Variants in PPP6R3 observed in about 807,000 individuals in gnomAD.
PPP6R3 encodes the protein protein phosphatase 6 regulatory subunit 3.
Under a neutral mutation model 110.7 loss-of-function variants are expected in PPP6R3, and 38 were observed. The observed-to-expected ratio is 0.34, with a 90% CI of 0.26 to 0.45. The LOEUF (loss-of-function observed/expected upper bound fraction) is 0.45. Among genes scored for constraint, PPP6R3 ranks in the 20% least tolerant of loss-of-function variants. The pLI is 1.00. For synonymous variants in PPP6R3, 369 were observed against 373.5 expected, an observed-to-expected ratio of 0.99 and a Z score of 0.14; for missense variants, 870 against 1,062.4, an observed-to-expected ratio of 0.82 and a Z score of 2.52.
intron 16 of PPP6R3, among the ~76,000 whole-genome samples, chr11:68,590,040 T>A (rs2153856554): frequency 6.6e-6 from 1 of 152,362 alleles, no homozygotes; most frequent in Non-Finnish European, 1.5e-5. Flanking sequence ...TTGCTTCATC[T>A]TCCTAGTTAG....
Position 68,551,138 on chromosome 11 carries a change from A to G in PPP6R3, c.570A>G (p.Lys190=). 6.2e-7 allele frequency: 1 copy of G among 1,610,756 alleles called. No homozygotes were observed. Among genetic ancestry groups the G allele is most frequent in the Non-Finnish European group, 8.5e-7 (1 of 1,177,372 alleles). ...QDVLNWLNEE[K]IIQRLVEIVH... ...TTTTACAGTGGTTAAATGAGGAGAA[A>G]ATTATCCAGAGGCTTGTGGAAATAG... Residue 190 remains lysine, a synonymous_variant, in exon 6 of 24, where the codon AAA becomes AAG. Coordinates refer to ENST00000393800, the MANE Select transcript of PPP6R3 (RefSeq NM_001164161.2).
intron 1 of PPP6R3, among the ~76,000 whole-genome samples, chr11:68,461,474 T>C (rs996313849): frequency 8.7e-6 from 1 of 114,852 alleles, no homozygotes; most frequent in African/African-American, 3.4e-5. Flanking sequence ...AATGCCTCCC[T>C]GGTGTATTTG....
intron 9 of PPP6R3, among the ~76,000 whole-genome samples, chr11:68,566,364 CTTTTTTTG>C (rs2099469859): frequency 6.6e-6 from 1 of 150,704 alleles, no homozygotes; most frequent in African/African-American, 2.4e-5. Context: ...TTCCTTCTTC[CTTTTTTTG>C]TTTTTTTGAG....
intron 3 of PPP6R3, among the ~76,000 whole-genome samples, chr11:68,539,760 C>A (rs929278161): frequency 2.0e-5 from 3 of 152,056 alleles, no homozygotes; most frequent in African/African-American, 7.2e-5. Context: ...CTAAAAAGTC[C>A]CCCAATAATT....
At chr11:68,563,104 GAA>G (rs58840169) in intron 8 of PPP6R3, among the ~76,000 whole-genome samples, 36 of 124,202 alleles carry the variant, frequency 2.9e-4, no homozygotes, top group Non-Finnish European at 4.8e-4. Flanking sequence ...CATCTCTACC[GAA>G]AAAAAAAAAA....
At chr11:68,556,386 T>G (rs1310690552) in intron 7 of PPP6R3, among the ~76,000 whole-genome samples, 1 of 152,192 alleles carries the variant, frequency 6.6e-6, no homozygotes, top group Non-Finnish European at 1.5e-5. Flanking sequence ...ATTTAGTGAC[T>G]GGAAATTTTT....
At chr11:68,601,781 C>T (rs2099632596) in intron 20 of PPP6R3, 82 bp from the exon 21 acceptor site, 1 of 1,160,396 alleles carries the variant, frequency 8.6e-7, no homozygotes. Flanking sequence ...CAAAAACTTA[C>T]TTGTAAAGGC....
intron 1 of PPP6R3, among the ~76,000 whole-genome samples, chr11:68,489,725 A>G (rs2098972024): frequency 6.6e-6 from 1 of 151,598 alleles, no homozygotes; most frequent in African/African-American, 2.4e-5. Flanking sequence ...TTTTTTTAAG[A>G]CATAATGGTA....
At chr11:68,503,298 G>T (rs2099058029) in intron 1 of PPP6R3, among the ~76,000 whole-genome samples, 1 of 152,180 alleles carries the variant, frequency 6.6e-6, no homozygotes, top group African/African-American at 2.4e-5. Flanking sequence ...AACAGAACTT[G>T]TCTTGAATCT....
intron 1 of PPP6R3, among the ~76,000 whole-genome samples, chr11:68,476,859 A>T (rs1260272838): frequency 6.6e-6 from 1 of 151,490 alleles, no homozygotes; most frequent in Non-Finnish European, 1.5e-5. Context: ...CCAGCTCTAC[A>T]TATATATATT....
chr11:68,601,356 C>A (rs2099631252), intron 20 of PPP6R3, among the ~76,000 whole-genome samples: 1 of 152,146 alleles, frequency 6.6e-6, no homozygotes, highest in South Asian at 2.1e-4. Flanking sequence ...GTAATGATCT[C>A]CCTCACCCCT....
intron 11 of PPP6R3, among the ~76,000 whole-genome samples, chr11:68,570,132 T>G (rs561138228): frequency 6.6e-6 from 1 of 152,362 alleles, no homozygotes; most frequent in African/African-American, 2.4e-5. Flanking sequence ...GGCCTCCTTA[T>G]TTGGTAAAAT....
Position 68,584,899 on chromosome 11 carries a change from C to T in PPP6R3, c.1632+1770C>T, listed in dbSNP as rs189333596. 2.0e-3 allele frequency among the ~76,000 whole-genome samples: 308 copies of T among 152,300 alleles called. 6 individuals are homozygous for T. Among genetic ancestry groups the T allele is most frequent in the Admixed American group, 0.018 (270 of 15,306 alleles). The stretch of plus-strand genomic sequence containing the variant: ...TCATGGATCATTTTGAAAATAAATA[C>T]ACTCCAAAGCACTTCTTAAAATTTT... On this transcript the variant is annotated intron_variant, in intron 15 of 23. Transcript: ENST00000393800.
intron 15 of PPP6R3, among the ~76,000 whole-genome samples, chr11:68,584,295 C>T (rs749603859): frequency 2.6e-5 from 4 of 152,122 alleles, no homozygotes; most frequent in Admixed American, 1.3e-4. Context: ...TGTGAGCCCT[C>T]GTGCCTGCAA....
At chr11:68,612,765 C>T (rs995759940) in intron 23 of PPP6R3, 7 of 394,786 alleles carry the variant, frequency 1.8e-5, no homozygotes, top group South Asian at 2.4e-5. Context: ...GTTTATACCC[C>T]ACTGACCTAG....
chr11:68,493,316 G>A (rs1421642155), intron 1 of PPP6R3, among the ~76,000 whole-genome samples: 1 of 151,994 alleles, frequency 6.6e-6, no homozygotes, highest in Non-Finnish European at 1.5e-5. Context: ...TACATTGGTG[G>A]TAGTTAACAT....
chr11:68,568,818 G>A (rs2099490044), intron 10 of PPP6R3, among the ~76,000 whole-genome samples: 1 of 150,698 alleles, frequency 6.6e-6, no homozygotes, highest in African/African-American at 2.4e-5. Context: ...CGCCCAGGCT[G>A]GAGTGCAGTG....
At chr11:68,544,499 T>C (rs1211113100) in intron 3 of PPP6R3, among the ~76,000 whole-genome samples, 3 of 152,234 alleles carry the variant, frequency 2.0e-5, no homozygotes, top group Admixed American at 2.0e-4. Flanking sequence ...GGCTGTAGCC[T>C]GATGGCTCGT....
rs577438273 is a variant in PPP6R3, at chr11:68,524,074, T to A, written c.-7+4423T>A. Among the ~76,000 whole-genome samples the A allele has an allele frequency of 3.9e-5, 6 of 152,320 alleles. No homozygotes were observed. In the South Asian group the frequency reaches 1.2e-3, roughly 32 times the overall value. The stretch of plus-strand genomic sequence containing the variant: ...TTTATAAAACAGCATGTTAATCATT[T>A]AGTACAACCTTCCTGTCCAGAACAG... On this transcript the variant is annotated intron_variant, in intron 2 of 23. Transcript: ENST00000393800.
Sources: gnomAD v4.1 joint callset for allele counts (sites outside exome capture counted in the v4.1 genomes callset) on GRCh38, gnomAD v4.1.1 for gene constraint, MANE v1.5 for transcripts, NCBI Gene and HGNC (gene_info 2026-07-23, HGNC 2026-07-21) for gene names.